Variants in MPZL1 observed in about 807,000 individuals in gnomAD.
The protein encoded by MPZL1 is myelin protein zero-like protein 1.
A neutral mutation model predicts 29.3 loss-of-function variants in MPZL1; 16 were observed. That is an observed-to-expected ratio of 0.55 (90% CI 0.37 to 0.83). The LOEUF (loss-of-function observed/expected upper bound fraction) is 0.83. Among genes scored for constraint, MPZL1 ranks in the 40% least tolerant of loss-of-function variants. MPZL1 has a pLI of 0.00. For missense variants in MPZL1, 279 were observed against 332.9 expected (o/e 0.84, Z 1.26); for synonymous variants, 143 against 132.0 (o/e 1.08, Z -0.57).
At chr1:167,741,820 C>T (rs991030667) in intron 1 of MPZL1, among the ~76,000 whole-genome samples, 2 of 152,010 alleles carry the variant, frequency 1.3e-5, no homozygotes, top group African/African-American at 4.8e-5. Flanking sequence ...ATCACTTGAG[C>T]TCAGCAGTTC....
chr1:167,789,963 C>T lies in MPZL1; in HGVS notation c.*2042C>T, dbSNP rs990432009. The T allele has an allele frequency of 1.3e-5, 2 of 152,206 alleles. No homozygotes were observed. Among genetic ancestry groups the T allele is most frequent in the Non-Finnish European group, 2.9e-5 (2 of 68,070 alleles). The allele number at this position is 152,206 out of a possible 1,614,324, so 9.4% of individuals were successfully genotyped here. A position where few individuals can be genotyped will look rare whatever the true frequency, so the allele number is the denominator to read the frequency against. On this transcript the variant is annotated 3_prime_UTR_variant, in exon 6 of 6. Coordinates refer to ENST00000359523, the MANE Select transcript of MPZL1 (RefSeq NM_003953.6). ...GTTGAGATTGTCACCATCCTTCAAG[C>T]TGAGACTCCTGGTGAGCCTTTGCCA...
chr1:167,731,323 C>G (rs1660262374), intron 1 of MPZL1, among the ~76,000 whole-genome samples: 1 of 94 alleles, frequency 0.011, no homozygotes, highest in Non-Finnish European at 0.029. Flanking sequence ...GTTATCCCAG[C>G]TATTCGGGAA....
chr1:167,746,837 A>G (rs147020364), intron 1 of MPZL1, among the ~76,000 whole-genome samples: 102 of 152,340 alleles, frequency 6.7e-4, no homozygotes, highest in Non-Finnish European at 1.3e-3. Context: ...CCTCTAAAAT[A>G]TAACTTTTTG....
chr1:167,789,963 C>CTGAG lies in MPZL1; in HGVS notation c.*2043_*2046dup, dbSNP rs1284882832. On this transcript the variant is annotated 3_prime_UTR_variant, in exon 6 of 6. Coordinates refer to ENST00000359523, the MANE Select transcript of MPZL1 (RefSeq NM_003953.6). ...GTTGAGATTGTCACCATCCTTCAAG[C>CTGAG]TGAGACTCCTGGTGAGCCTTTGCCA... 2.0e-5 allele frequency: 3 copies of CTGAG among 152,324 alleles called. No individual in the cohort carries two copies. Among genetic ancestry groups the CTGAG allele is most frequent in the Middle Eastern group, 3.4e-3 (1 of 294 alleles). The allele number at this position is 152,324 out of a possible 1,614,324, so 9.4% of individuals were successfully genotyped here.
chr1:167,738,640 C>G (rs576819892), intron 1 of MPZL1, among the ~76,000 whole-genome samples: 1 of 152,254 alleles, frequency 6.6e-6, no homozygotes, highest in African/African-American at 2.4e-5. Flanking sequence ...ACTCTTGGTG[C>G]TGTTCTCTTG....
chr1:167,740,374 C>G (rs185855700), intron 1 of MPZL1, among the ~76,000 whole-genome samples: 1 of 152,316 alleles, frequency 6.6e-6, no homozygotes, highest in Admixed American at 6.5e-5. Context: ...TCCATTGAAA[C>G]TTCTCCTATC....
In MPZL1 at chr1:167,734,102, A is replaced by G. The variant is rs1382935328; in HGVS notation, c.91+11860A>G. ...AAACCCCGTCTCTACTAAAAATACAAAAAATTAGCCAGGCATGGTGGTGGG... is the reference window on the plus strand; with the variant it reads ...AAACCCCGTCTCTACTAAAAATACAGAAAATTAGCCAGGCATGGTGGTGGG... On this transcript the variant is annotated intron_variant, in intron 1 of 5. Coordinates refer to ENST00000359523, the MANE Select transcript of MPZL1 (RefSeq NM_003953.6). 1.3e-5 allele frequency among the ~76,000 whole-genome samples: 2 copies of G among 151,788 alleles called. 1 individual carries two copies. Among genetic ancestry groups the G allele is most frequent in the African/African-American group, 4.8e-5 (2 of 41,290 alleles).
chr1:167,724,923 G>A (rs1294079636), intron 1 of MPZL1, among the ~76,000 whole-genome samples: 1 of 152,194 alleles, frequency 6.6e-6, no homozygotes, highest in African/African-American at 2.4e-5. Context: ...CTGACAAAGA[G>A]TCTCTGTGAG....
intron 1 of MPZL1, among the ~76,000 whole-genome samples, chr1:167,740,484 T>C (rs1329334336): frequency 1.3e-5 from 2 of 152,172 alleles, no homozygotes; most frequent in Non-Finnish European, 2.9e-5. Context: ...TTGGCTTTAC[T>C]TACACCACAT....
At chr1:167,722,922 G>T (rs1174241941) in intron 1 of MPZL1, among the ~76,000 whole-genome samples, 1 of 152,076 alleles carries the variant, frequency 6.6e-6, no homozygotes, top group Non-Finnish European at 1.5e-5. Flanking sequence ...AATTCCAGAC[G>T]TAGCCACCAT....
chr1:167,791,866 G>C lies in MPZL1; in HGVS notation c.*3945G>C, dbSNP rs565398718. On this transcript the variant is annotated 3_prime_UTR_variant, in exon 6 of 6. Coordinates refer to ENST00000359523, the MANE Select transcript of MPZL1 (RefSeq NM_003953.6). ...GGAAGACAATGTGGTGACTTAATTT[G>C]TTGAGAACTATGTTACAAATAATGT... The C allele has an allele frequency of 6.6e-6, 1 of 152,182 alleles. No individual in the cohort carries two copies. Among genetic ancestry groups the C allele is most frequent in the Admixed American group, 6.5e-5 (1 of 15,286 alleles). The allele number at this position is 152,182 out of a possible 1,614,324, so 9.4% of individuals were successfully genotyped here.
At chr1:167,754,269 G>T (rs1351683309) in intron 1 of MPZL1, among the ~76,000 whole-genome samples, 1 of 152,168 alleles carries the variant, frequency 6.6e-6, no homozygotes, top group Non-Finnish European at 1.5e-5. Context: ...AAAGTGCTGG[G>T]ATTATAGGCG....
chr1:167,765,787 A>T, intron 2 of MPZL1, 38 bp downstream of exon 2: 6 of 1,529,426 alleles, frequency 3.9e-6, no homozygotes, highest in Non-Finnish European at 5.3e-6. Flanking sequence ...GTCCTGCCTC[A>T]CAGGTTTCTT....
intron 1 of MPZL1, among the ~76,000 whole-genome samples, chr1:167,761,165 G>A (rs1660978626): frequency 6.6e-6 from 1 of 152,178 alleles, no homozygotes; most frequent in Non-Finnish European, 1.5e-5. Context: ...ATTGGACACA[G>A]TGTGTACAGA....
intron 1 of MPZL1, among the ~76,000 whole-genome samples, chr1:167,751,412 G>A (rs1220721612): frequency 6.6e-6 from 1 of 152,188 alleles, no homozygotes; most frequent in Non-Finnish European, 1.5e-5. Flanking sequence ...GCTCACGTCT[G>A]TAATCCCAGC....
Position 167,788,009 on chromosome 1 carries a change from T to C in MPZL1, c.*88T>C. ...TGTAGCCCATTACCACATGTAGCCTTGGAGACCCAGGCAAGGACAAGTACA... is the reference window on the plus strand; with the variant it reads ...TGTAGCCCATTACCACATGTAGCCTCGGAGACCCAGGCAAGGACAAGTACA... On this transcript the variant is annotated 3_prime_UTR_variant, in exon 6 of 6. Coordinates refer to ENST00000359523, the MANE Select transcript of MPZL1 (RefSeq NM_003953.6). 9.3e-7 allele frequency: 1 copy of C among 1,076,160 alleles called. No homozygotes were observed. The highest frequency in any genetic ancestry group is 1.4e-6 in the Non-Finnish European group (1 of 704,370). 66.7% of individuals were successfully genotyped at this position (1,076,160 alleles called of 1,614,324 possible). A position where few individuals can be genotyped will look rare whatever the true frequency, so the allele number is the denominator to read the frequency against.
intron 5 of MPZL1, among the ~76,000 whole-genome samples, chr1:167,776,897 T>C (rs1661379116): frequency 1.3e-5 from 2 of 152,196 alleles, no homozygotes; most frequent in Admixed American, 1.3e-4. Context: ...TGGGAATGGA[T>C]TTAAGAGGAA....
rs80030470 is a variant in MPZL1 at position 167,744,252 on chromosome 1, C to T, written c.92-21331C>T. Among the ~76,000 whole-genome samples, 1,275 of 152,204 alleles carry T rather than the reference C, an allele frequency of 8.4e-3. 15 individuals are homozygous for T. Among genetic ancestry groups the T allele is most frequent in the African/African-American group, 0.028 (1,164 of 41,556 alleles). On this transcript the variant is annotated intron_variant, in intron 1 of 5. Transcript: ENST00000359523. ...TTGTCTCGGGTAACCCTGTGATTCA[C>T]ATAGTTGCAGACCACATAGTCACAC...
chr1:167,756,544 C>T (rs186614484), intron 1 of MPZL1, among the ~76,000 whole-genome samples: 1 of 151,180 alleles, frequency 6.6e-6, no homozygotes, highest in East Asian at 2.0e-4. Flanking sequence ...TCTAAGCATC[C>T]TCCAAGGTAG....
Sources: allele counts gnomAD v4.1 joint callset (sites outside exome capture counted in the v4.1 genomes callset), GRCh38; gene constraint gnomAD v4.1.1; transcripts MANE v1.5; gene names NCBI Gene and HGNC (gene_info 2026-07-23, HGNC 2026-07-21).